Variants in FRMD3 observed in about 807,000 individuals in gnomAD.
FRMD3 encodes the protein FERM domain containing 3, also known as FERM domain-containing protein 3.
Under a neutral mutation model 70.2 loss-of-function variants are expected in FRMD3, and 33 were observed. The observed-to-expected ratio is 0.47, with a 90% CI of 0.36 to 0.63. FRMD3 has a LOEUF of 0.63. FRMD3 is among the 20% of genes least tolerant of loss of function. FRMD3 has a pLI of 0.00. For missense variants in FRMD3, 632 were observed against 711.4 expected (o/e 0.89, Z 1.27); for synonymous variants, 279 against 255.9 (o/e 1.09, Z -0.86).
At chr9:83,301,867 A>C (rs1587699342) in intron 10 of FRMD3, among the ~76,000 whole-genome samples, 1 of 152,282 alleles carries the variant, frequency 6.6e-6, no homozygotes, top group Non-Finnish European at 1.5e-5. Flanking sequence ...CAGGATGAGC[A>C]GAGAGAAAAG....
At chr9:83,390,331 G>A (rs1003735350) in intron 1 of FRMD3, among the ~76,000 whole-genome samples, 3 of 152,210 alleles carry the variant, frequency 2.0e-5, no homozygotes, top group Non-Finnish European at 2.9e-5. Context: ...GCTCTGCCAG[G>A]AGGCAGCATC....
chr9:83,246,203 A>C lies in FRMD3; in HGVS notation c.*1715T>G. ...TCATTAGCTAGAGAGAGCGATTCCA[A>C]GTGGGCCCTGTAACTTTGTACATTA... On this transcript the variant is annotated 3_prime_UTR_variant, in exon 14 of 14. Transcript: ENST00000304195. The C allele has an allele frequency of 1.0e-6, 1 of 985,188 alleles. No individual in the cohort carries two copies. The highest frequency in any genetic ancestry group is 1.2e-6 in the Non-Finnish European group (1 of 829,762). The allele number at this position is 985,188 out of a possible 1,614,324, so 61.0% of individuals were successfully genotyped here.
At chr9:83,410,652 T>G (rs113661085) in intron 1 of FRMD3, among the ~76,000 whole-genome samples, 1 of 152,210 alleles carries the variant, frequency 6.6e-6, no homozygotes, top group African/African-American at 2.4e-5. Flanking sequence ...TATTTTCTTT[T>G]GGATACATAC....
At chr9:83,479,730 G>GTAA (rs1828511465) in intron 1 of FRMD3, among the ~76,000 whole-genome samples, 1 of 32,806 alleles carries the variant, frequency 3.0e-5, no homozygotes, top group Admixed American at 3.6e-4. Context: ...GAAAAGAAAG[G>GTAA]GAAAGAAAGA....
At chr9:83,465,348 G>A (rs960771874) in intron 1 of FRMD3, among the ~76,000 whole-genome samples, 1 of 152,126 alleles carries the variant, frequency 6.6e-6, no homozygotes, top group Admixed American at 6.5e-5. Flanking sequence ...TCAGAATTTT[G>A]GGAGGCCGAG....
chr9:83,405,450 T>C (rs1826072509), intron 1 of FRMD3, among the ~76,000 whole-genome samples: 1 of 151,922 alleles, frequency 6.6e-6, no homozygotes, highest in African/African-American at 2.4e-5. Flanking sequence ...GGTTCTGGGA[T>C]ACAGAGAGAA....
chr9:83,380,789 G>C (rs1825329797), intron 2 of FRMD3, among the ~76,000 whole-genome samples: 1 of 152,146 alleles, frequency 6.6e-6, no homozygotes. Context: ...CAAAGCCCTT[G>C]GTACCCTAAG....
In FRMD3 at chr9:83,268,251, AG is replaced by A. The variant is rs143754255; in HGVS notation, c.1196-19736del. ...TTTCTAATAATCCTCTATGAAACAA[AG>A]GTTTATTCAGAGCAGGAATTGAAAT... On this transcript the variant is annotated intron_variant, in intron 13 of 13. Transcript: ENST00000304195. 5.5e-3 allele frequency among the ~76,000 whole-genome samples: 840 copies of A among 152,360 alleles called. 3 individuals carry two copies. The highest frequency in any genetic ancestry group is 8.7e-3 in the South Asian group (42 of 4,830).
intron 1 of FRMD3, among the ~76,000 whole-genome samples, chr9:83,447,456 G>A (rs2131407367): frequency 6.6e-6 from 1 of 152,342 alleles, no homozygotes; most frequent in East Asian, 1.9e-4. Flanking sequence ...TCCAAACCTC[G>A]ATGAGACACA....
At chr9:83,283,628 T>G (rs553766254) in intron 13 of FRMD3, among the ~76,000 whole-genome samples, 1 of 152,020 alleles carries the variant, frequency 6.6e-6, no homozygotes, top group South Asian at 2.1e-4. Flanking sequence ...AATACTGCAA[T>G]TATAAACAAA....
At chr9:83,303,703 T>C (rs990634459) in intron 10 of FRMD3, among the ~76,000 whole-genome samples, 5 of 152,262 alleles carry the variant, frequency 3.3e-5, no homozygotes, top group African/African-American at 1.2e-4. Context: ...ATAACAGCTT[T>C]GTCGAGATAT....
intron 1 of FRMD3, among the ~76,000 whole-genome samples, chr9:83,452,404 AT>A (rs1221100345): frequency 6.6e-6 from 1 of 152,182 alleles, no homozygotes; most frequent in Non-Finnish European, 1.5e-5. Flanking sequence ...AGTTGGTCTA[AT>A]TTCAAATCCT....
chr9:83,583,498 A>C, the FRMD3 span, among the ~76,000 whole-genome samples: 2 of 152,218 alleles, frequency 1.3e-5, no homozygotes, highest in Admixed American at 1.3e-4. Context: ...CATTTTACTC[A>C]AAGTATAATT....
chr9:83,448,232 A>C (rs1312970102), intron 1 of FRMD3, among the ~76,000 whole-genome samples: 1 of 152,106 alleles, frequency 6.6e-6, no homozygotes, highest in Non-Finnish European at 1.5e-5. Flanking sequence ...CCTACTTCAA[A>C]ATATTATAAT....
At chr9:83,317,980 G>A (rs893082813) in intron 6 of FRMD3, among the ~76,000 whole-genome samples, 10 of 152,110 alleles carry the variant, frequency 6.6e-5, no homozygotes, top group South Asian at 2.1e-4. Context: ...CAGTAACCAC[G>A]ACTCCAACCT....
At chr9:83,430,670 TC>T (rs1826949104) in intron 1 of FRMD3, among the ~76,000 whole-genome samples, 2 of 152,290 alleles carry the variant, frequency 1.3e-5, no homozygotes, top group Admixed American at 6.5e-5. Flanking sequence ...CATTCACCTA[TC>T]TTTTTCACTC....
chr9:83,446,381 C>T (rs1421194103), intron 1 of FRMD3, among the ~76,000 whole-genome samples: 1 of 152,182 alleles, frequency 6.6e-6, no homozygotes. Context: ...GGCGCGGTGG[C>T]TCACGCATGT....
Position 83,538,061 on chromosome 9 carries a change from G to A in FRMD3, c.147+24C>T, listed in dbSNP as rs756000153. The A allele has an allele frequency of 1.2e-6, 2 of 1,608,412 alleles. No homozygotes were observed. Among genetic ancestry groups the A allele is most frequent in the Non-Finnish European group, 1.7e-6 (2 of 1,176,200 alleles). On this transcript the variant is annotated intron_variant, in intron 1 of 13. Coordinates refer to ENST00000304195, the MANE Select transcript of FRMD3 (RefSeq NM_174938.6). The surrounding 1 kb of genome is among the most constrained non-coding windows in gnomAD (Gnocchi z 4.7). ...GCCCTGCTCCCGGCGTGTGCCCCGCGCCCTCGCCCGGTTCCACGCGCACCT... is the reference window on the plus strand; with the variant it reads ...GCCCTGCTCCCGGCGTGTGCCCCGCACCCTCGCCCGGTTCCACGCGCACCT...
chr9:83,434,123 G>C (rs552219696), intron 1 of FRMD3, among the ~76,000 whole-genome samples: 2 of 152,288 alleles, frequency 1.3e-5, no homozygotes, highest in South Asian at 4.2e-4. Context: ...AAGCTCACAG[G>C]CTTGGCAGTT....
Sources: gnomAD v4.1 joint callset for allele counts (sites outside exome capture counted in the v4.1 genomes callset) on GRCh38, gnomAD v4.1.1 for gene constraint, Gnocchi (gnomAD v3.1) non-coding constraint, MANE v1.5 for transcripts, NCBI Gene and HGNC (gene_info 2026-07-23, HGNC 2026-07-21) for gene names.